Variants in ADAMTSL1 observed in about 807,000 individuals in gnomAD.
ADAMTSL1 encodes the protein ADAMTS like 1.
ADAMTSL1 carries 126 observed loss-of-function variants against 201.8 expected under a neutral mutation model. That is an observed-to-expected ratio of 0.62 (90% confidence interval 0.54 to 0.72). ADAMTSL1 has a LOEUF of 0.72. ADAMTSL1 is among the 30% of genes least tolerant of loss of function. The pLI, the probability that ADAMTSL1 is intolerant of heterozygous loss-of-function variation, is 0.00. For synonymous variants in ADAMTSL1, 1,121 were observed against 903.4 expected (o/e 1.24, Z -4.32); for missense variants, 2,679 against 2,277.8 (o/e 1.18, Z -3.59).
chr9:18,613,772 A>G (rs1336080949), intron 4 of ADAMTSL1, among the ~76,000 whole-genome samples: 4 of 152,158 alleles, frequency 2.6e-5, no homozygotes, highest in Non-Finnish European at 5.9e-5. Context: ...GAAAAAAACT[A>G]TTGGGTACTA....
chr9:18,527,933 A>G (rs1293150279), intron 2 of ADAMTSL1, among the ~76,000 whole-genome samples: 1 of 152,150 alleles, frequency 6.6e-6, no homozygotes. Context: ...GCTGGAATGC[A>G]ATGGTACAAT....
At chr9:18,504,044 A>G (rs538301644) in intron 1 of ADAMTSL1, among the ~76,000 whole-genome samples, 1 of 152,104 alleles carries the variant, frequency 6.6e-6, no homozygotes, top group East Asian at 1.9e-4. Flanking sequence ...ATTTGTAAAA[A>G]GGGAAATTGG....
chr9:18,250,574 C>A (rs1262253954), intron 2 of ADAMTSL1, among the ~76,000 whole-genome samples: 1 of 152,076 alleles, frequency 6.6e-6, no homozygotes, highest in Non-Finnish European at 1.5e-5. Flanking sequence ...ACCTGGGAAT[C>A]CCCTCCCCTC....
chr9:18,714,626 A>T (rs1832805387), intron 14 of ADAMTSL1, among the ~76,000 whole-genome samples: 1 of 143,912 alleles, frequency 6.9e-6, no homozygotes, highest in East Asian at 2.0e-4. Context: ...AACCAAAAAG[A>T]GTCCAGAACC....
At chr9:18,647,409 T>C (rs1255877142) in intron 7 of ADAMTSL1, among the ~76,000 whole-genome samples, 3 of 151,986 alleles carry the variant, frequency 2.0e-5, no homozygotes, top group Non-Finnish European at 4.4e-5. Flanking sequence ...TGATTTTAGT[T>C]ATTTCTTGCC....
At chr9:18,298,569 G>A (rs554366816) in intron 2 of ADAMTSL1, among the ~76,000 whole-genome samples, 1 of 151,796 alleles carries the variant, frequency 6.6e-6, no homozygotes, top group South Asian at 2.1e-4. Flanking sequence ...GTTATTCAGT[G>A]CTTATTGTGA....
chr9:18,403,438 C>G (rs923308376), intron 2 of ADAMTSL1, among the ~76,000 whole-genome samples: 2 of 152,148 alleles, frequency 1.3e-5, no homozygotes, highest in African/African-American at 4.8e-5. Context: ...CCTGTCTCAG[C>G]CTCCCTAAGT....
intron 1 of ADAMTSL1, among the ~76,000 whole-genome samples, chr9:17,995,155 A>G (rs572301882): frequency 6.6e-6 from 1 of 152,218 alleles, no homozygotes; most frequent in African/African-American, 2.4e-5. Context: ...TACACTTTGT[A>G]TTAGTACTTC....
chr9:18,209,668 C>T (rs781537820), intron 2 of ADAMTSL1, among the ~76,000 whole-genome samples: 1 of 152,142 alleles, frequency 6.6e-6, no homozygotes, highest in Non-Finnish European at 1.5e-5. Flanking sequence ...TGCTGATTTA[C>T]TTTTTCTGAT....
At chr9:18,122,572 T>G (rs896286346) in intron 1 of ADAMTSL1, among the ~76,000 whole-genome samples, 6 of 152,208 alleles carry the variant, frequency 3.9e-5, no homozygotes, top group African/African-American at 7.2e-5. Flanking sequence ...ATAAATGGCC[T>G]AAGTTTTCTG....
chr9:18,844,848 C>G (rs369495581), intron 23 of ADAMTSL1, among the ~76,000 whole-genome samples: 1 of 152,128 alleles, frequency 6.6e-6, no homozygotes, highest in Non-Finnish European at 1.5e-5. Flanking sequence ...GAGCCATGTG[C>G]GGGATATAAT....
At chr9:18,896,008 G>A (rs1475922504) in intron 26 of ADAMTSL1, among the ~76,000 whole-genome samples, 2 of 152,128 alleles carry the variant, frequency 1.3e-5, no homozygotes, top group East Asian at 3.9e-4. Flanking sequence ...TTCGCAGGCA[G>A]CAGAAAGAAT....
chr9:18,861,106 A>G (rs142208982), intron 23 of ADAMTSL1, among the ~76,000 whole-genome samples: 3 of 152,042 alleles, frequency 2.0e-5, no homozygotes, highest in Non-Finnish European at 4.4e-5. Context: ...CACATCCCTC[A>G]TTATACAGAG....
chr9:18,828,777 G>T (rs1346463434), intron 22 of ADAMTSL1, among the ~76,000 whole-genome samples: 2 of 146,864 alleles, frequency 1.4e-5, no homozygotes, highest in Non-Finnish European at 3.0e-5. Flanking sequence ...TCTATACAAT[G>T]GTCTTTGTCA....
chr9:17,959,239 T>C (rs1817625741), intron 1 of ADAMTSL1, among the ~76,000 whole-genome samples: 1 of 152,142 alleles, frequency 6.6e-6, no homozygotes, highest in Non-Finnish European at 1.5e-5. Flanking sequence ...AGATGTTATT[T>C]GATTAATGTC....
At chr9:18,802,235 C>T (rs997258111) in intron 20 of ADAMTSL1, among the ~76,000 whole-genome samples, 1 of 152,142 alleles carries the variant, frequency 6.6e-6, no homozygotes, top group African/African-American at 2.4e-5. Context: ...AATACCACTG[C>T]ACTCCAGCCT....
intron 4 of ADAMTSL1, among the ~76,000 whole-genome samples, chr9:18,586,194 G>A (rs113688684): frequency 2.5e-4 from 38 of 152,144 alleles, no homozygotes; most frequent in African/African-American, 8.9e-4. Flanking sequence ...AAAACCACAT[G>A]GGCTCAACCC....
At chr9:18,493,763 A>G (rs953109590) in intron 1 of ADAMTSL1, among the ~76,000 whole-genome samples, 9 of 152,162 alleles carry the variant, frequency 5.9e-5, no homozygotes, top group African/African-American at 2.2e-4. Flanking sequence ...CTGTCTTTAG[A>G]TAATCTGAAT....
intron 7 of ADAMTSL1, among the ~76,000 whole-genome samples, chr9:18,656,147 C>A (rs1350754234): frequency 2.0e-5 from 3 of 152,018 alleles, no homozygotes; most frequent in South Asian, 2.1e-4. Context: ...CATCTAAACT[C>A]CAAAAACTGA....
Sources: allele counts gnomAD v4.1 joint callset (sites outside exome capture counted in the v4.1 genomes callset), GRCh38; gene constraint gnomAD v4.1.1; transcripts MANE v1.5; gene names NCBI Gene and HGNC (gene_info 2026-07-23, HGNC 2026-07-21).